The following ENTREP2 variants were observed in gnomAD, a reference collection of about 807,000 sequenced individuals.
The protein encoded by ENTREP2 is endosomal transmembrane epsin interactor 2, also known as protein ENTREP2.
At chr15:29,392,362 C>T in the ENTREP2 span, among the ~76,000 whole-genome samples, 4 of 127,702 alleles carry the variant, frequency 3.1e-5, no homozygotes, top group South Asian at 6.1e-4. Context: ...CCCCCACCCC[C>T]GACCCCGATT....
the ENTREP2 span, among the ~76,000 whole-genome samples, chr15:29,406,392 C>CA: frequency 6.6e-6 from 1 of 151,940 alleles, no homozygotes; most frequent in Non-Finnish European, 1.5e-5. Context: ...ACTAAAAATA[C>CA]AAAAAATTAG....
the ENTREP2 span, among the ~76,000 whole-genome samples, chr15:29,171,212 G>A: frequency 2.0e-5 from 3 of 152,108 alleles, no homozygotes; most frequent in African/African-American, 7.2e-5. Flanking sequence ...AACTTTTGGG[G>A]GACTATTCAA....
the ENTREP2 span, among the ~76,000 whole-genome samples, chr15:29,558,590 A>C: frequency 0.024 from 1,849 of 76,790 alleles, 15 homozygotes; most frequent in Middle Eastern, 0.045. Flanking sequence ...TGACCCTGAA[A>C]AACCCAGGTT....
the ENTREP2 span, among the ~76,000 whole-genome samples, chr15:29,636,973 GA>G: frequency 1.3e-5 from 2 of 151,868 alleles, no homozygotes; most frequent in Non-Finnish European, 2.9e-5. Flanking sequence ...TTTTTGAACA[GA>G]TAAAGCTTAA....
the ENTREP2 span, among the ~76,000 whole-genome samples, chr15:29,492,177 G>A: frequency 1.3e-5 from 2 of 152,010 alleles, no homozygotes; most frequent in South Asian, 2.1e-4. Context: ...TTTATTGCAT[G>A]TAACTTACTT....
chr15:29,480,269 T>C, the ENTREP2 span, among the ~76,000 whole-genome samples: 1 of 139,966 alleles, frequency 7.1e-6, no homozygotes, highest in African/African-American at 2.7e-5. Context: ...ATTTCAGTTT[T>C]AAGGGCTCAT....
At chr15:29,127,942 A>G in the ENTREP2 span, among the ~76,000 whole-genome samples, 2 of 152,208 alleles carry the variant, frequency 1.3e-5, no homozygotes, top group African/African-American at 4.8e-5. Flanking sequence ...TGGAGTGACC[A>G]AAGGAAGGAA....
chr15:29,446,892 CCTT>C, the ENTREP2 span, among the ~76,000 whole-genome samples: 2 of 152,192 alleles, frequency 1.3e-5, no homozygotes, highest in Admixed American at 6.5e-5. Context: ...AGTCACACCT[CCTT>C]CTGATTCTCC....
chr15:29,620,001 G>A, the ENTREP2 span, among the ~76,000 whole-genome samples: 1 of 152,148 alleles, frequency 6.6e-6, no homozygotes, highest in Non-Finnish European at 1.5e-5. Context: ...TTCTGTGTCT[G>A]TGAAGCCTCA....
the ENTREP2 span, among the ~76,000 whole-genome samples, chr15:29,221,819 A>T: frequency 6.6e-6 from 1 of 152,114 alleles, no homozygotes; most frequent in Non-Finnish European, 1.5e-5. Context: ...ACACTGCACG[A>T]TTTTCCACCA....
the ENTREP2 span, among the ~76,000 whole-genome samples, chr15:29,455,843 G>A: frequency 6.6e-6 from 1 of 152,146 alleles, no homozygotes; most frequent in South Asian, 2.1e-4. Context: ...ATAGGAGCAT[G>A]AACCCTATTG....
At chr15:29,663,415 T>C in the ENTREP2 span, among the ~76,000 whole-genome samples, 1 of 152,130 alleles carries the variant, frequency 6.6e-6, no homozygotes, top group Non-Finnish European at 1.5e-5. Context: ...CATGCACATG[T>C]ATGTTTATTG....
the ENTREP2 span, among the ~76,000 whole-genome samples, chr15:29,627,162 G>T: frequency 6.6e-6 from 1 of 152,056 alleles, no homozygotes; most frequent in African/African-American, 2.4e-5. Flanking sequence ...ATGTGTTTTC[G>T]TTTCATGCAG....
At chr15:29,570,571 G>C in the ENTREP2 span, 7 of 1,470,506 alleles carry the variant, frequency 4.8e-6, no homozygotes, top group Non-Finnish European at 6.3e-6. Context: ...CCAGCGCGGC[G>C]AAGCTGACTG....
chr15:29,400,370 G>C, the ENTREP2 span, among the ~76,000 whole-genome samples: 1 of 152,168 alleles, frequency 6.6e-6, no homozygotes, highest in Non-Finnish European at 1.5e-5. Flanking sequence ...GCAATATCAA[G>C]GAATCCTTAA....
the ENTREP2 span, among the ~76,000 whole-genome samples, chr15:29,531,367 T>C: frequency 6.6e-6 from 1 of 152,238 alleles, no homozygotes; most frequent in South Asian, 2.1e-4. Flanking sequence ...CTTTCAGGAT[T>C]TCACATTAGA....
chr15:29,673,439 C>T, the ENTREP2 span, among the ~76,000 whole-genome samples: 1 of 152,064 alleles, frequency 6.6e-6, no homozygotes, highest in Non-Finnish European at 1.5e-5. Context: ...CACGGAAAGT[C>T]GAAGCTGTCC....
At chr15:29,372,834 G>T in the ENTREP2 span, among the ~76,000 whole-genome samples, 1 of 152,208 alleles carries the variant, frequency 6.6e-6, no homozygotes, top group Non-Finnish European at 1.5e-5. Context: ...TAGCAGTGAG[G>T]TGGTGGAAAA....
chr15:29,126,160 A>G, the ENTREP2 span: 2 of 922,990 alleles, frequency 2.2e-6, no homozygotes, highest in African/African-American at 3.4e-5. Flanking sequence ...GTGGCCCCAG[A>G]CAGGATCTGC....
Sources: gnomAD v4.1 joint callset for allele counts (sites outside exome capture counted in the v4.1 genomes callset) on GRCh38, gnomAD v4.1.1 for gene constraint, MANE v1.5 for transcripts, NCBI Gene and HGNC (gene_info 2026-07-23, HGNC 2026-07-21) for gene names.